PCDH9: variants seen among roughly 807,000 people sequenced by gnomAD.
The protein encoded by PCDH9 is protocadherin 9.
PCDH9 carries 24 observed loss-of-function variants against 70.6 expected under a neutral mutation model. The ratio of observed to expected loss-of-function variants is 0.34; its 90% CI spans 0.25 to 0.48. PCDH9 has a LOEUF of 0.48. Ranked by LOEUF, PCDH9 falls within the 20% of genes least tolerant of loss-of-function variation. The pLI is 0.99. For synonymous variants in PCDH9, 562 were observed against 558.5 expected (o/e 1.01, Z -0.09); for missense variants, 1,281 against 1,503.6 (o/e 0.85, Z 2.45).
intron 2 of PCDH9, among the ~76,000 whole-genome samples, chr13:66,929,293 TTA>T (rs1459496441): frequency 4.6e-5 from 7 of 151,352 alleles, no homozygotes; most frequent in African/African-American, 1.7e-4. Context: ...ACTTGTGACA[TTA>T]TTTTTTTATT....
chr13:66,521,423 C>G (rs576195554), intron 4 of PCDH9, among the ~76,000 whole-genome samples: 1 of 152,058 alleles, frequency 6.6e-6, no homozygotes, highest in South Asian at 2.1e-4. Context: ...AAAACAGTCA[C>G]CACTTTGAAG....
At chr13:66,367,552 T>A (rs1342829030) in intron 4 of PCDH9, among the ~76,000 whole-genome samples, 2 of 152,010 alleles carry the variant, frequency 1.3e-5, no homozygotes, top group Non-Finnish European at 2.9e-5. Flanking sequence ...CAATATCACA[T>A]CAAGACTGAA....
intron 2 of PCDH9, among the ~76,000 whole-genome samples, chr13:67,118,465 A>G (rs1400076455): frequency 6.6e-6 from 1 of 152,160 alleles, no homozygotes; most frequent in African/African-American, 2.4e-5. Context: ...GCATAAGCCA[A>G]CAGTTTTATT....
chr13:66,973,308 G>A (rs952383984), intron 2 of PCDH9, among the ~76,000 whole-genome samples: 1 of 151,898 alleles, frequency 6.6e-6, no homozygotes, highest in Non-Finnish European at 1.5e-5. Context: ...AAATCTAAAG[G>A]TTCACTTTTA....
chr13:67,004,273 A>T (rs1419415833), intron 2 of PCDH9, among the ~76,000 whole-genome samples: 5 of 152,058 alleles, frequency 3.3e-5, no homozygotes, highest in East Asian at 1.9e-4. Context: ...AAAGTTTTTT[A>T]AAAAAGAAAT....
chr13:67,036,566 T>C (rs1026665840), intron 2 of PCDH9, among the ~76,000 whole-genome samples: 1 of 152,170 alleles, frequency 6.6e-6, no homozygotes, highest in Non-Finnish European at 1.5e-5. Flanking sequence ...TGAACAGTAG[T>C]AGATAAATGT....
intron 2 of PCDH9, among the ~76,000 whole-genome samples, chr13:67,002,507 A>G (rs2084264734): frequency 1.2e-5 from 1 of 86,502 alleles, no homozygotes; most frequent in South Asian, 5.6e-4. Context: ...TTTAAAATTA[A>G]TTTTACAATT....
chr13:66,708,340 C>T (rs1488789168), intron 3 of PCDH9, among the ~76,000 whole-genome samples: 1 of 151,924 alleles, frequency 6.6e-6, no homozygotes, highest in Admixed American at 6.6e-5. Flanking sequence ...TGAGCCACCG[C>T]GCCCGGCCCC....
At chr13:66,698,915 T>TTTG (rs1355502833) in intron 3 of PCDH9, among the ~76,000 whole-genome samples, 1 of 133,118 alleles carries the variant, frequency 7.5e-6, no homozygotes. Context: ...TTTTTTTTTT[T>TTTG]TTGTTGTTGT....
intron 3 of PCDH9, among the ~76,000 whole-genome samples, chr13:66,859,967 C>A (rs751465271): frequency 2.0e-5 from 3 of 152,056 alleles, no homozygotes; most frequent in Non-Finnish European, 2.9e-5. Flanking sequence ...TTTATTATGG[C>A]CTGCTGTATT....
chr13:66,775,013 G>A (rs1003670326), intron 3 of PCDH9, among the ~76,000 whole-genome samples: 1 of 152,180 alleles, frequency 6.6e-6, no homozygotes, highest in Non-Finnish European at 1.5e-5. Flanking sequence ...CTATCTGCAT[G>A]ATGATTAAGT....
At chr13:66,566,684 C>G (rs1395131897) in intron 4 of PCDH9, among the ~76,000 whole-genome samples, 1 of 152,120 alleles carries the variant, frequency 6.6e-6, no homozygotes, top group East Asian at 1.9e-4. Context: ...AGTGATTTGG[C>G]CTGTTATTAG....
chr13:66,992,295 T>C lies in PCDH9; in HGVS notation c.3037-88690A>G, dbSNP rs1301894189. ...TTTACATCTATGCTAGTGGTGAGAG[T>C]GCAGTGGAGGAAAGGTACTGCCACT... On this transcript the variant is annotated intron_variant, in intron 2 of 4. Transcript: ENST00000377865. 2.0e-5 allele frequency among the ~76,000 whole-genome samples: 3 copies of C among 152,230 alleles called. No homozygotes were observed. The East Asian group carries it at 5.8e-4, about 29-fold the overall frequency.
intron 3 of PCDH9, among the ~76,000 whole-genome samples, chr13:66,656,947 T>A (rs192028510): frequency 1.3e-4 from 20 of 152,194 alleles, no homozygotes; most frequent in Admixed American, 1.2e-3. Flanking sequence ...AAAAGGAGTA[T>A]AAAGCAGAAA....
At chr13:66,846,136 C>CAAAA (rs56199120) in intron 3 of PCDH9, among the ~76,000 whole-genome samples, 63 of 134,506 alleles carry the variant, frequency 4.7e-4, no homozygotes, top group African/African-American at 1.6e-3. Flanking sequence ...AAAAAAAGAC[C>CAAAA]AAAAAAAAAA....
chr13:66,720,621 T>C (rs1351032871), intron 3 of PCDH9, among the ~76,000 whole-genome samples: 6 of 152,090 alleles, frequency 3.9e-5, no homozygotes, highest in Non-Finnish European at 7.4e-5. Flanking sequence ...ATATACCACA[T>C]AAATTTCTGC....
At chr13:67,154,442 C>T (rs1027422881) in intron 2 of PCDH9, among the ~76,000 whole-genome samples, 1 of 151,160 alleles carries the variant, frequency 6.6e-6, no homozygotes, top group Admixed American at 6.6e-5. Flanking sequence ...CTGGGCACGG[C>T]GGTAAGTGCC....
intron 4 of PCDH9, among the ~76,000 whole-genome samples, chr13:66,431,352 G>A (rs1957768404): frequency 6.6e-6 from 1 of 151,912 alleles, no homozygotes; most frequent in Non-Finnish European, 1.5e-5. Context: ...ATTTAACTAA[G>A]AAAGAAACTG....
intron 4 of PCDH9, among the ~76,000 whole-genome samples, chr13:66,587,038 G>A (rs1045507958): frequency 1.3e-5 from 2 of 152,014 alleles, no homozygotes; most frequent in African/African-American, 4.8e-5. Context: ...GCTGGGCACG[G>A]TAATACCAGC....
Sources: allele counts gnomAD v4.1 joint callset (sites outside exome capture counted in the v4.1 genomes callset), GRCh38; gene constraint gnomAD v4.1.1; transcripts MANE v1.5; gene names NCBI Gene and HGNC (gene_info 2026-07-23, HGNC 2026-07-21).